The following SPARC variants were observed in gnomAD, a reference collection of about 807,000 sequenced individuals.
SPARC encodes secreted protein acidic and cysteine rich.
SPARC carries 23 observed loss-of-function variants against 37.7 expected under a neutral mutation model. The ratio of observed to expected loss-of-function variants is 0.61; its 90% CI spans 0.44 to 0.87. SPARC has a LOEUF of 0.87. Among genes scored for constraint, SPARC ranks in the 40% least tolerant of loss-of-function variants. The pLI is 0.00. For missense variants in SPARC, 312 were observed against 389.0 expected (o/e 0.80, Z 1.66); for synonymous variants, 155 against 150.8 (o/e 1.03, Z -0.20).
chr5:151,673,819 A>G (rs1760797434), intron 3 of SPARC, among the ~76,000 whole-genome samples: 1 of 152,162 alleles, frequency 6.6e-6, no homozygotes, highest in South Asian at 2.1e-4. Flanking sequence ...CACCTTGGAC[A>G]CATGTCTCAG....
At chr5:151,675,699 G>C (rs1195013147) in intron 2 of SPARC, among the ~76,000 whole-genome samples, 1 of 151,968 alleles carries the variant, frequency 6.6e-6, no homozygotes, top group African/African-American at 2.4e-5. Context: ...AATTTAGTCA[G>C]ATTGAACTGT....
chr5:151,679,376 C>T (rs564860712), intron 1 of SPARC: 2 of 152,310 alleles, frequency 1.3e-5, no homozygotes, highest in African/African-American at 2.4e-5. Context: ...GGTGAGAACC[C>T]GTGCAACCCT....
intron 6 of SPARC, among the ~76,000 whole-genome samples, chr5:151,668,531 C>T (rs188645973): frequency 6.6e-6 from 1 of 152,292 alleles, no homozygotes; most frequent in Non-Finnish European, 1.5e-5. Flanking sequence ...ATGTCAGAGC[C>T]TCATCCAGCA....
intron 7 of SPARC, among the ~76,000 whole-genome samples, chr5:151,667,251 A>C (rs1315091986): frequency 6.6e-6 from 1 of 152,214 alleles, no homozygotes; most frequent in African/African-American, 2.4e-5. Context: ...AGGTTAAGCA[A>C]AGGGAGCAGG....
intron 1 of SPARC, chr5:151,685,966 TGAA>T (rs1432544846): frequency 6.6e-6 from 1 of 152,188 alleles, no homozygotes; most frequent in Admixed American, 6.5e-5. Flanking sequence ...TGGATTTGTC[TGAA>T]GAAGAACTGA....
chr5:151,674,755 C>T, intron 2 of SPARC, 81 bp from the exon 3 acceptor site: 1 of 1,389,992 alleles, frequency 7.2e-7, no homozygotes, highest in East Asian at 2.3e-5. Context: ...GCCTCGGATA[C>T]AGGCTAGGGG....
In SPARC at chr5:151,673,167, T is replaced by C; in HGVS notation, c.170A>G (p.Asp57Gly). The stretch of plus-strand genomic sequence containing the variant: ...CTCCTCTTCGGTTTCCTCTGCACCA[T>C]CATCAAATTCTCCTACTTCCACCTG... ...PVQVEVGEFD[D>G]GAEETEEEVV... Residue 57 changes from aspartate (D) to glycine (G), a missense_variant, in exon 4 of 10, where the codon GAT becomes GGT. Coordinates refer to ENST00000231061, the MANE Select transcript of SPARC (RefSeq NM_003118.4). 1.9e-6 allele frequency: 3 copies of C among 1,614,016 alleles called. No individual in the cohort carries two copies. Among genetic ancestry groups the C allele is most frequent in the Non-Finnish European group, 2.5e-6 (3 of 1,179,886 alleles).
At chr5:151,670,766 T>A (rs746779901) in intron 5 of SPARC, among the ~76,000 whole-genome samples, 18 of 152,164 alleles carry the variant, frequency 1.2e-4, no homozygotes, top group Non-Finnish European at 2.5e-4. Context: ...TATATGTCAC[T>A]GCAGAGGGAG....
chr5:151,669,728 C>T lies in SPARC; in HGVS notation c.387G>A (p.Lys129=), dbSNP rs767715788. ...FDSSCHFFAT[K]CTLEGTKKGH... The stretch of plus-strand genomic sequence containing the variant: ...CCTTCTTGGTGCCCTCCAGGGTGCA[C>T]TTTGTGGCAAAGAAGTGGCAGGAAG... The change falls in exon 6 of 10, where the codon AAG becomes AAA. Residue 129 remains lysine (K), a synonymous_variant. Transcript: ENST00000231061. The T allele has an allele frequency of 3.7e-6, 6 of 1,614,068 alleles. No homozygotes were observed. The African/African-American group carries it at 5.3e-5, about 14-fold the overall frequency.
chr5:151,685,719 C>T (rs368451095), intron 1 of SPARC: 15 of 152,096 alleles, frequency 9.9e-5, no homozygotes, highest in East Asian at 9.6e-4. Flanking sequence ...GCACTTGGGG[C>T]GTATAGAAAT....
At chr5:151,675,267 A>C (rs1313305392) in intron 2 of SPARC, among the ~76,000 whole-genome samples, 1 of 152,098 alleles carries the variant, frequency 6.6e-6, no homozygotes, top group African/African-American at 2.4e-5. Flanking sequence ...CATCACTCCC[A>C]CTTCTTAGTA....
intron 1 of SPARC, among the ~76,000 whole-genome samples, chr5:151,680,483 G>A (rs116348015): frequency 0.036 from 5,508 of 152,040 alleles, 138 homozygotes; most frequent in Middle Eastern, 0.061. Context: ...CCATCCGCCC[G>A]CCTCAGCCTC....
Position 151,675,984 on chromosome 5 carries a change from G to T in SPARC, c.57+148C>A. 3.4e-5 allele frequency: 20 copies of T among 595,510 alleles called. No individual in the cohort carries two copies. In the South Asian group the frequency reaches 4.2e-4, roughly 12 times the overall value. 36.9% of individuals were successfully genotyped at this position (595,510 alleles called of 1,614,324 possible). ...TGGTCCTCATCCCAGTTTTTATCCC[G>T]AGCTTCCTAACTTAAGAAAAAAAAA... is the stretch of plus-strand genomic sequence containing the variant. On this transcript the variant is annotated intron_variant, in intron 2 of 9. Transcript: ENST00000231061.
chr5:151,682,872 A>C (rs1761028366), intron 1 of SPARC, among the ~76,000 whole-genome samples: 1 of 152,224 alleles, frequency 6.6e-6, no homozygotes, highest in Non-Finnish European at 1.5e-5. Context: ...GTTAATACCA[A>C]GTTTCTGAAA....
chr5:151,662,435 G>A lies in SPARC; in HGVS notation c.*1136C>T, dbSNP rs374435396. On this transcript the variant is annotated 3_prime_UTR_variant, in exon 10 of 10. Transcript: ENST00000231061. ...AAGACACATGCAAATCACCCAGGAA[G>A]GCAGTTTCTAAGTCATTACTTTTTA... 9.8e-5 allele frequency: 15 copies of A among 152,586 alleles called. No homozygotes were observed. Among genetic ancestry groups the A allele is most frequent in the African/African-American group, 3.4e-4 (14 of 41,418 alleles). 9.5% of individuals were successfully genotyped at this position (152,586 alleles called of 1,614,324 possible).
chr5:151,670,980 A>G (rs1760735898), intron 5 of SPARC, among the ~76,000 whole-genome samples: 1 of 152,204 alleles, frequency 6.6e-6, no homozygotes, highest in Non-Finnish European at 1.5e-5. Flanking sequence ...GCATGATGGT[A>G]GGCAGGAGCA....
chr5:151,670,873 T>C (rs1277096037), intron 5 of SPARC, among the ~76,000 whole-genome samples: 2 of 152,124 alleles, frequency 1.3e-5, no homozygotes, highest in Non-Finnish European at 2.9e-5. Flanking sequence ...CCAGAGGCTA[T>C]GTAGTCTCTG....
chr5:151,673,058 CTG>C, intron 4 of SPARC, 69 bp downstream of exon 4: 1 of 1,039,168 alleles, frequency 9.6e-7, no homozygotes, highest in Non-Finnish European at 1.5e-6. Flanking sequence ...CTCATGTAGG[CTG>C]TCCTCGTGCC....
intron 6 of SPARC, 79 bp downstream of exon 6, chr5:151,669,585 G>T: frequency 1.3e-6 from 2 of 1,504,928 alleles, no homozygotes; most frequent in Admixed American, 3.8e-5. Flanking sequence ...CCCAGCATGG[G>T]GGTGGCAGAG....
Sources: allele counts gnomAD v4.1 joint callset (sites outside exome capture counted in the v4.1 genomes callset), GRCh38; gene constraint gnomAD v4.1.1; transcripts MANE v1.5; gene names NCBI Gene and HGNC (gene_info 2026-07-23, HGNC 2026-07-21).